Variants in NBEAL2 observed in about 807,000 individuals in gnomAD.
The protein encoded by NBEAL2 is neurobeachin like 2.
In NBEAL2, 160 loss-of-function variants were observed where a neutral mutation model predicts 299.8. That is an observed-to-expected ratio of 0.53 (90% CI 0.47 to 0.61). NBEAL2 has a LOEUF of 0.61. Ranked by LOEUF, NBEAL2 falls within the 20% of genes least tolerant of loss-of-function variation. The probability of loss-of-function intolerance (pLI) is 0.00; values close to 1 mark genes in which losing one functional copy is unlikely to be tolerated. For synonymous variants in NBEAL2, 1,493 were observed against 1,542.3 expected (o/e 0.97, Z 0.75); for missense variants, 3,112 against 3,649.0 (o/e 0.85, Z 3.79).
At position 47,001,496 on chromosome 3, in the gene NBEAL2, A is replaced by C. The variant is rs1339946762; in HGVS notation, c.4644+58A>C. The C allele has an allele frequency of 1.3e-6, 2 of 1,582,902 alleles. No individual in the cohort carries two copies. Among genetic ancestry groups the C allele is most frequent in the Non-Finnish European group, 1.7e-6 (2 of 1,166,000 alleles). On this transcript the variant is annotated intron_variant, in intron 29 of 53. Coordinates refer to ENST00000450053, the MANE Select transcript of NBEAL2 (RefSeq NM_015175.3). The surrounding 1 kb of genome is among the most constrained non-coding windows in gnomAD (Gnocchi z 6.1). ...AACACTCATGTTCATGCAAGCCTGC[A>C]GGGATCTGGTCTGGGAGGTGGATGG...
rs533901327 is a variant in NBEAL2, at chr3:46,995,144, T to A, written c.1409T>A (p.Phe470Tyr). Residue 470 changes from phenylalanine to tyrosine, a missense_variant, in exon 13 of 54, where the codon TTC (phenylalanine) becomes TAC (tyrosine). Phe to Tyr is a conservative substitution (Grantham distance 22). Coordinates refer to ENST00000450053, the MANE Select transcript of NBEAL2 (RefSeq NM_015175.3). The stretch of plus-strand genomic sequence containing the variant: ...TTGCCCACCGCTGAGCTGCGGCTCT[T>A]CCTAGCGCAACGCCTCAGGTGGCTC... ...PSLPTAELRL[F>Y]LAQRLRWLCD... 33 of 1,575,514 alleles carry A rather than the reference T, an allele frequency of 2.1e-5. No individual in the cohort carries two copies. In the African/African-American group the frequency reaches 3.8e-4, roughly 18 times the overall value.
chr3:47,009,181 G>T (rs751330117), intron 53 of NBEAL2, 38 bp from the exon 54 acceptor site: 249 of 1,561,206 alleles, frequency 1.6e-4, no homozygotes, highest in Admixed American at 2.5e-4. Flanking sequence ...GTGGCGCGGC[G>T]ATCCCAGCTG....
chr3:46,987,557 A>G (rs545714048), intron 1 of NBEAL2, among the ~76,000 whole-genome samples: 4 of 152,330 alleles, frequency 2.6e-5, no homozygotes, highest in Admixed American at 2.6e-4. Context: ...AGAGAACTGC[A>G]GAGTTCAGAT....
intron 41 of NBEAL2, 29 bp downstream of exon 41, chr3:47,005,648 G>C: frequency 1.9e-6 from 3 of 1,613,152 alleles, no homozygotes; most frequent in Non-Finnish European, 2.5e-6. Flanking sequence ...CACTGGAGCG[G>C]GCAGGTGTAG....
rs1458112283 is a variant in NBEAL2 at position 46,988,573 on chromosome 3, C to T, written c.52-96C>T. ...CCTTGTCCATGCCCTCTGTCCACCTCCATTCATTCTTCGCCTCTGTCTACA... is the reference window on the plus strand; with the variant it reads ...CCTTGTCCATGCCCTCTGTCCACCTTCATTCATTCTTCGCCTCTGTCTACA... On this transcript the variant is annotated intron_variant, in intron 1 of 53. Coordinates refer to ENST00000450053, the MANE Select transcript of NBEAL2 (RefSeq NM_015175.3). The surrounding 1 kb of genome is among the most constrained non-coding windows in gnomAD (Gnocchi z 4.4). 5 of 1,054,694 alleles carry T rather than the reference C, an allele frequency of 4.7e-6. No individual in the cohort carries two copies. Among genetic ancestry groups the T allele is most frequent in the Non-Finnish European group, 7.2e-6 (5 of 690,312 alleles). The allele number at this position is 1,054,694 out of a possible 1,614,324, so 65.3% of individuals were successfully genotyped here. A position where few individuals can be genotyped will look rare whatever the true frequency, so the allele number is the denominator to read the frequency against.
Position 46,988,492 on chromosome 3 carries a change from C to T in NBEAL2, c.52-177C>T, listed in dbSNP as rs1347746439. Among the ~76,000 whole-genome samples the T allele has an allele frequency of 1.3e-5, 2 of 151,528 alleles. No homozygotes were observed. Among genetic ancestry groups the T allele is most frequent in the Admixed American group, 6.6e-5 (1 of 15,200 alleles). ...TGATGCTGACCTTCCAATGTCCTGC[C>T]CTCCCTCCCCCGTCCCCCACTCCCC... On this transcript the variant is annotated intron_variant, in intron 1 of 53. Transcript: ENST00000450053. The surrounding 1 kb of genome is among the most constrained non-coding windows in gnomAD (Gnocchi z 4.4).
intron 20 of NBEAL2, 28 bp downstream of exon 20, chr3:46,997,722 G>A (rs2036607786): frequency 2.0e-6 from 3 of 1,470,982 alleles, no homozygotes; most frequent in Admixed American, 5.2e-5. Flanking sequence ...AGGCATGGGG[G>A]TTAGGGGTAT....
intron 10 of NBEAL2, 60 bp downstream of exon 10, chr3:46,992,615 C>G: frequency 6.9e-7 from 1 of 1,452,842 alleles, no homozygotes; most frequent in Non-Finnish European, 9.5e-7. Flanking sequence ...TGAGCTTTTC[C>G]TGCACTATAG....
At chr3:46,986,804 G>A (rs1160149468) in intron 1 of NBEAL2, among the ~76,000 whole-genome samples, 1 of 152,180 alleles carries the variant, frequency 6.6e-6, no homozygotes, top group Non-Finnish European at 1.5e-5. Context: ...TGAAGACAAA[G>A]TAGTAGATAA....
chr3:46,981,702 G>A (rs553563936), intron 1 of NBEAL2, among the ~76,000 whole-genome samples: 1 of 152,140 alleles, frequency 6.6e-6, no homozygotes, highest in Non-Finnish European at 1.5e-5. Flanking sequence ...GCATGGGCAG[G>A]TAAAGGGGGC....
intron 1 of NBEAL2, among the ~76,000 whole-genome samples, chr3:46,985,496 C>T (rs997770144): frequency 1.3e-5 from 2 of 152,214 alleles, no homozygotes; most frequent in Admixed American, 6.5e-5. Context: ...GTGGCAGTTC[C>T]ATGCCCACCC....
At chr3:46,987,919 G>T (rs930585021) in intron 1 of NBEAL2, 17 of 1,112,934 alleles carry the variant, frequency 1.5e-5, no homozygotes, top group Non-Finnish European at 2.0e-5. Flanking sequence ...GGGAGGAAGC[G>T]GTCCCCCTCC....
At chr3:46,990,771 G>T (rs949788091) in intron 6 of NBEAL2, among the ~76,000 whole-genome samples, 5 of 152,336 alleles carry the variant, frequency 3.3e-5, no homozygotes, top group Middle Eastern at 6.8e-3. Flanking sequence ...ATGGGCGTGG[G>T]GGGAGGTGGC....
chr3:46,992,855 CCAGACACT>C (rs1180366825), intron 10 of NBEAL2, among the ~76,000 whole-genome samples: 1 of 152,194 alleles, frequency 6.6e-6, no homozygotes, highest in Non-Finnish European at 1.5e-5. Flanking sequence ...AGACAGAAGC[CCAGACACT>C]CAAGGATTTG....
In NBEAL2 at chr3:46,979,721, C is replaced by T. The variant is rs2035166532; in HGVS notation, c.-141C>T. 4 of 308,464 alleles carry T rather than the reference C, an allele frequency of 1.3e-5. No homozygotes were observed. Among genetic ancestry groups the T allele is most frequent in the Non-Finnish European group, 2.4e-5 (4 of 167,560 alleles). The allele number at this position is 308,464 out of a possible 1,614,324, so 19.1% of individuals were successfully genotyped here. On this transcript the variant is annotated 5_prime_UTR_variant, in exon 1 of 54. Coordinates refer to ENST00000450053, the MANE Select transcript of NBEAL2 (RefSeq NM_015175.3). ...GGCTCTGCGCCGCGGAGGCCACAGC[C>T]GCAGACTTCCCCAGTAGTACCGCGC...
chr3:47,002,562 T>C (rs1438612351), intron 32 of NBEAL2, 42 bp downstream of exon 32: 16 of 1,610,404 alleles, frequency 9.9e-6, no homozygotes, highest in Non-Finnish European at 1.4e-5. Context: ...GCTCCACACA[T>C]GCACCCAGGA....
At position 46,997,445 on chromosome 3, in the gene NBEAL2, T is replaced by C; in HGVS notation, c.2824+12T>C. 4 of 1,606,720 alleles carry C rather than the reference T, an allele frequency of 2.5e-6. No homozygotes were observed. Among genetic ancestry groups the C allele is most frequent in the Non-Finnish European group, 3.4e-6 (4 of 1,174,966 alleles). On this transcript the variant is annotated intron_variant, in intron 19 of 53. Coordinates refer to ENST00000450053, the MANE Select transcript of NBEAL2 (RefSeq NM_015175.3). ...GGGTAAATCTTCAGGTAAGTGTTCC[T>C]GGTGCCTATGTTGTGGAGAGGGAAT...
At chr3:46,997,102 G>A (rs897405360) in intron 18 of NBEAL2, 56 bp downstream of exon 18, 1 of 1,568,784 alleles carries the variant, frequency 6.4e-7, no homozygotes, top group Non-Finnish European at 8.7e-7. Flanking sequence ...GGGCACATGT[G>A]TGTTCGGAGT....
rs1280069448 is a variant in NBEAL2 at position 47,001,330 on chromosome 3, C to T, written c.4536C>T (p.Pro1512=). The T allele has an allele frequency of 5.6e-6, 9 of 1,613,108 alleles. No homozygotes were observed. The highest frequency in any genetic ancestry group is 1.7e-5 in the Admixed American group (1 of 60,030). ...CCCTGACCGACATCAAAGAGGCCCC[C>T]GTGGGGGTCCTGGCCAGCCTCACCC... The part of the protein sequence containing the change: ...ESALTDIKEA[P]VGVLASLTQQ... Residue 1512 remains proline, a synonymous_variant, in exon 29 of 54, where the codon CCC becomes CCT. Coordinates refer to ENST00000450053, the MANE Select transcript of NBEAL2 (RefSeq NM_015175.3). The surrounding 1 kb of genome is among the most constrained non-coding windows in gnomAD (Gnocchi z 6.1).
Sources: allele counts gnomAD v4.1 joint callset (sites outside exome capture counted in the v4.1 genomes callset), GRCh38; gene constraint gnomAD v4.1.1; non-coding constraint Gnocchi (gnomAD v3.1); transcripts MANE v1.5; gene names NCBI Gene and HGNC (gene_info 2026-07-23, HGNC 2026-07-21).